Variants in EBF1 observed in about 807,000 individuals in gnomAD.
The protein encoded by EBF1 is EBF transcription factor 1, also known as transcription factor COE1.
A neutral mutation model predicts 68.4 loss-of-function variants in EBF1; 10 were observed. That is an observed-to-expected ratio of 0.15 (90% CI 0.09 to 0.25). The LOEUF (loss-of-function observed/expected upper bound fraction) is 0.25. Ranked by LOEUF, EBF1 falls within the 10% of genes least tolerant of loss-of-function variation. EBF1 has a pLI of 1.00. For missense variants in EBF1, 509 were observed against 794.4 expected (o/e 0.64, Z 4.32); for synonymous variants, 298 against 299.8 (o/e 0.99, Z 0.06).
chr5:158,830,547 G>A (rs933952798), intron 7 of EBF1, among the ~76,000 whole-genome samples: 8 of 152,190 alleles, frequency 5.3e-5, no homozygotes, highest in Non-Finnish European at 2.9e-5. Context: ...TGGGATTACA[G>A]GTGTAAGCCA....
intron 6 of EBF1, among the ~76,000 whole-genome samples, chr5:158,893,042 C>G (rs1005925802): frequency 2.0e-5 from 3 of 151,520 alleles, no homozygotes; most frequent in Admixed American, 6.6e-5. Context: ...CCCTCACACA[C>G]CATTCATTTC....
At chr5:158,924,852 CAAA>C (rs34744460) in intron 6 of EBF1, among the ~76,000 whole-genome samples, 2 of 50,890 alleles carry the variant, frequency 3.9e-5, no homozygotes, top group Non-Finnish European at 3.7e-5. Context: ...GACTCTGTCT[CAAA>C]AAAAAAAAAA....
intron 6 of EBF1, among the ~76,000 whole-genome samples, chr5:158,915,813 CT>C (rs1807076880): frequency 1.3e-5 from 2 of 152,254 alleles, no homozygotes; most frequent in Admixed American, 1.3e-4. Flanking sequence ...CTTGCTTTAT[CT>C]TTTCTAGAAA....
intron 6 of EBF1, among the ~76,000 whole-genome samples, chr5:158,850,234 T>C (rs906238250): frequency 8.5e-5 from 13 of 152,262 alleles, no homozygotes; most frequent in Admixed American, 3.9e-4. Context: ...CTGTTGACTT[T>C]TGTTGAAACC....
chr5:158,973,858 C>A (rs1050843811), intron 6 of EBF1, among the ~76,000 whole-genome samples: 2 of 152,120 alleles, frequency 1.3e-5, no homozygotes, highest in Non-Finnish European at 2.9e-5. Context: ...GTTGTTATCA[C>A]CTGCATGCCA....
chr5:158,955,983 T>A (rs1816977614), intron 6 of EBF1, among the ~76,000 whole-genome samples: 1 of 151,964 alleles, frequency 6.6e-6, no homozygotes, highest in Admixed American at 6.6e-5. Flanking sequence ...TGTTACAAGC[T>A]CCTGCTTGAA....
chr5:158,757,139 C>T (rs1770302156), intron 10 of EBF1, among the ~76,000 whole-genome samples: 1 of 152,080 alleles, frequency 6.6e-6, no homozygotes, highest in South Asian at 2.1e-4. Context: ...CAAGACCACA[C>T]ATCTGCTTAC....
intron 6 of EBF1, among the ~76,000 whole-genome samples, chr5:158,917,397 C>A (rs1372063911): frequency 6.6e-6 from 1 of 152,182 alleles, no homozygotes; most frequent in Non-Finnish European, 1.5e-5. Context: ...CTATAACCTA[C>A]CCCCATCTGT....
intron 8 of EBF1, among the ~76,000 whole-genome samples, chr5:158,812,329 C>A (rs73297941): frequency 6.6e-6 from 1 of 152,120 alleles, no homozygotes; most frequent in East Asian, 1.9e-4. Context: ...GCCACTACAC[C>A]CACAATGGGC....
intron 6 of EBF1, among the ~76,000 whole-genome samples, chr5:158,867,261 T>C (rs1451008428): frequency 1.3e-5 from 2 of 152,020 alleles, no homozygotes; most frequent in East Asian, 1.9e-4. Flanking sequence ...TATGACAAAA[T>C]TGGTGGTTGT....
intron 6 of EBF1, among the ~76,000 whole-genome samples, chr5:159,026,100 T>C (rs772764854): frequency 8.5e-5 from 13 of 152,284 alleles, no homozygotes; most frequent in Middle Eastern, 6.8e-3. Flanking sequence ...CTCTAATAAA[T>C]TCAGGAAGGT....
chr5:159,024,295 C>A (rs929881124), intron 6 of EBF1, among the ~76,000 whole-genome samples: 1 of 152,164 alleles, frequency 6.6e-6, no homozygotes, highest in South Asian at 2.1e-4. Context: ...TCATTACCTG[C>A]GTGACAGTTG....
intron 6 of EBF1, among the ~76,000 whole-genome samples, chr5:158,933,425 A>T (rs912668452): frequency 9.2e-5 from 14 of 152,338 alleles, no homozygotes; most frequent in Middle Eastern, 3.4e-3. Context: ...TTGTATGCTT[A>T]ACATTTTCCC....
At position 159,057,906 on chromosome 5, in the gene EBF1, T is replaced by A. The variant is rs149714860; in HGVS notation, c.554+15490A>T. Among the ~76,000 whole-genome samples the A allele has an allele frequency of 7.9e-5, 12 of 152,366 alleles. No homozygotes were observed. In the East Asian group the frequency reaches 2.1e-3, roughly 27 times the overall value. On this transcript the variant is annotated intron_variant, in intron 6 of 15. Coordinates refer to ENST00000313708, the MANE Select transcript of EBF1 (RefSeq NM_024007.5). ...CAAAAAAATCCTGCTTACCTCACTG[T>A]GTTGTCATGAAAACTAAAAAGAGCT...
At chr5:158,952,447 G>A (rs1284179556) in intron 6 of EBF1, among the ~76,000 whole-genome samples, 1 of 152,186 alleles carries the variant, frequency 6.6e-6, no homozygotes, top group Non-Finnish European at 1.5e-5. Context: ...TCCTGGTACA[G>A]TGATGGACTA....
chr5:158,793,175 A>G (rs1273964812), intron 9 of EBF1, among the ~76,000 whole-genome samples: 1 of 152,204 alleles, frequency 6.6e-6, no homozygotes, highest in Non-Finnish European at 1.5e-5. Flanking sequence ...AGTGGTGAGA[A>G]TCCCACAAGA....
At chr5:158,782,588 G>A (rs999367770) in intron 9 of EBF1, among the ~76,000 whole-genome samples, 10 of 152,154 alleles carry the variant, frequency 6.6e-5, no homozygotes, top group Non-Finnish European at 1.3e-4. Flanking sequence ...TTGAGCCCAG[G>A]AAGTCGAGGT....
At chr5:158,914,574 C>T (rs1196963225) in intron 6 of EBF1, among the ~76,000 whole-genome samples, 1 of 152,132 alleles carries the variant, frequency 6.6e-6, no homozygotes, top group Non-Finnish European at 1.5e-5. Flanking sequence ...ACATTTCAAT[C>T]AACCCTTACC....
In EBF1 at chr5:158,746,255, T is replaced by C. The variant is rs190094340; in HGVS notation, c.1037-15098A>G. ...TAGCTTTTACTAATAAAAGTGACAA[T>C]TGGTTAAATTCTTAATAACAGCAAC... On this transcript the variant is annotated intron_variant, in intron 10 of 15. Coordinates refer to ENST00000313708, the MANE Select transcript of EBF1 (RefSeq NM_024007.5). Among the ~76,000 whole-genome samples, 98 of 152,262 alleles carry C rather than the reference T, an allele frequency of 6.4e-4. No homozygotes were observed. The South Asian group carries it at 8.3e-3, about 13-fold the overall frequency.
Sources: allele counts gnomAD v4.1 joint callset (sites outside exome capture counted in the v4.1 genomes callset), GRCh38; gene constraint gnomAD v4.1.1; transcripts MANE v1.5; gene names NCBI Gene and HGNC (gene_info 2026-07-23, HGNC 2026-07-21).